The following ZNF829 variants were observed in gnomAD, a reference collection of about 807,000 sequenced individuals.
ZNF829 encodes zinc finger protein 829.
In ZNF829, 25 loss-of-function variants were observed where a neutral mutation model predicts 35.2. That is an observed-to-expected ratio of 0.71 (90% CI 0.52 to 0.99). The LOEUF (loss-of-function observed/expected upper bound fraction) is 0.99. Ranked by LOEUF, ZNF829 falls within the 50% of genes least tolerant of loss-of-function variation. The probability of loss-of-function intolerance (pLI) is 0.00; values close to 1 mark genes in which losing one functional copy is unlikely to be tolerated. For missense variants in ZNF829, 417 were observed against 515.3 expected, an observed-to-expected ratio of 0.81 and a Z score of 1.85; for synonymous variants, 136 against 163.2, an observed-to-expected ratio of 0.83 and a Z score of 1.27.
At chr19:36,903,783 C>T (rs1411853913) in intron 5 of ZNF829, among the ~76,000 whole-genome samples, 1 of 151,704 alleles carries the variant, frequency 6.6e-6, no homozygotes, top group Non-Finnish European at 1.5e-5. Context: ...CCCAGCTACT[C>T]GGGAGGCTGA....
chr19:36,900,847 GAA>G (rs59848712), intron 5 of ZNF829, among the ~76,000 whole-genome samples: 3 of 88,970 alleles, frequency 3.4e-5, no homozygotes, highest in Admixed American at 1.3e-4. Context: ...GACTGTCTCA[GAA>G]AAAAAAAAAA....
intron 3 of ZNF829, among the ~76,000 whole-genome samples, chr19:36,912,193 T>G (rs2073270185): frequency 6.6e-6 from 1 of 152,172 alleles, no homozygotes; most frequent in Non-Finnish European, 1.5e-5. Flanking sequence ...AATTCTCAGC[T>G]CAGAGAAGAG....
intron 5 of ZNF829, 119 bp from the exon 6 acceptor site, chr19:36,892,590 G>C: frequency 9.3e-7 from 1 of 1,071,280 alleles, no homozygotes; most frequent in Non-Finnish European, 1.3e-6. Context: ...GTTTTCAAAG[G>C]TGGAGAGGCA....
At chr19:36,898,443 A>G (rs551857628) in intron 5 of ZNF829, among the ~76,000 whole-genome samples, 1 of 152,232 alleles carries the variant, frequency 6.6e-6, no homozygotes, top group Admixed American at 6.5e-5. Flanking sequence ...TACAGATTCA[A>G]TGCAATCTAC....
At position 36,908,342 on chromosome 19, in the gene ZNF829, C is replaced by G. The variant is rs375085686; in HGVS notation, c.214G>C (p.Val72Leu). Residue 72 changes from valine to leucine, a missense_variant, in exon 4 of 6, where the codon GTT (valine) becomes CTT (leucine). By Grantham distance (32) the Val-to-Leu change is conservative. Coordinates refer to ENST00000391711, the MANE Select transcript of ZNF829 (RefSeq NM_001037232.4). The part of the protein sequence containing the change: ...EVMLENFSNL[V>L]SVGLSNSKPA... ...GAATAGTTATCCTTACCCACTGAAA[C>G]CAGGTTGCTGAAATTCTCCAACATC... The G allele has an allele frequency of 3.1e-6, 5 of 1,612,782 alleles. No homozygotes were observed. The highest frequency in any genetic ancestry group is 2.7e-5 in the African/African-American group (2 of 74,872).
rs1284571492 is a variant in ZNF829, at chr19:36,901,833, A to G, written c.319+6096T>C. The G allele has an allele frequency of 6.9e-6, 5 of 725,520 alleles. No homozygotes were observed. The Admixed American group carries it at 7.3e-5, about 11-fold the overall frequency. The allele number at this position is 725,520 out of a possible 1,614,324, so 44.9% of individuals were successfully genotyped here. Reference sequence around the variant, plus strand: ...TGAGAATACACCATCAGTATGCACAAGCGCATCCATGGAGTGGGCTTCAAG... The same window carrying G: ...TGAGAATACACCATCAGTATGCACAGGCGCATCCATGGAGTGGGCTTCAAG... On this transcript the variant is annotated intron_variant, in intron 5 of 5. Coordinates refer to ENST00000391711, the MANE Select transcript of ZNF829 (RefSeq NM_001037232.4).
intron 3 of ZNF829, among the ~76,000 whole-genome samples, chr19:36,913,199 C>A (rs1219676738): frequency 2.0e-5 from 3 of 152,052 alleles, no homozygotes; most frequent in Non-Finnish European, 4.4e-5. Flanking sequence ...GATAGAAAGG[C>A]CTTACACAAA....
chr19:36,914,481 C>A (rs2073290344), intron 3 of ZNF829, among the ~76,000 whole-genome samples: 1 of 151,880 alleles, frequency 6.6e-6, no homozygotes, highest in Non-Finnish European at 1.5e-5. Context: ...TCACGGAAAC[C>A]CAAATTCAAA....
intron 5 of ZNF829, chr19:36,892,824 C>A (rs771493994): frequency 1.2e-6 from 1 of 869,514 alleles, no homozygotes; most frequent in Non-Finnish European, 1.5e-6. Flanking sequence ...CCAGATCCCC[C>A]ACAGGCGCTG....
Position 36,888,381 on chromosome 19 carries a change from CTGA to C in ZNF829, c.*3108_*3110del, listed in dbSNP as rs780284203. ...TGCAAAAATCTTTAATCTCCTTGCC[CTGA>C]TGATATCTGTCTCTACAATATCCAG... On this transcript the variant is annotated 3_prime_UTR_variant, in exon 6 of 6. Coordinates refer to ENST00000391711, the MANE Select transcript of ZNF829 (RefSeq NM_001037232.4). The C allele has an allele frequency of 3.3e-5, 5 of 152,000 alleles. No homozygotes were observed. The highest frequency in any genetic ancestry group is 7.3e-5 in the African/African-American group (3 of 41,346). 9.4% of individuals were successfully genotyped at this position (152,000 alleles called of 1,614,324 possible).
At chr19:36,892,498 A>T in intron 5 of ZNF829, 27 bp from the exon 6 acceptor site, 1 of 1,532,824 alleles carries the variant, frequency 6.5e-7, no homozygotes, top group African/African-American at 1.4e-5. Flanking sequence ...AGGCAAATAA[A>T]TTTTCCTATT....
intron 5 of ZNF829, 148 bp downstream of exon 5, chr19:36,907,781 T>C (rs2073230747): frequency 5.0e-6 from 3 of 601,154 alleles, no homozygotes; most frequent in Non-Finnish European, 8.7e-6. Flanking sequence ...ACTTGCTATA[T>C]TGGACTAGGG....
chr19:36,908,551 G>A, intron 3 of ZNF829, 92 bp from the exon 4 acceptor site: 1 of 1,406,624 alleles, frequency 7.1e-7, no homozygotes, highest in South Asian at 1.5e-5. Context: ...CAAAATTAAA[G>A]GGGGTGAATC....
rs555691357 is a variant in ZNF829, at chr19:36,916,151, C to T, written c.-225G>A. 8 of 535,842 alleles carry T rather than the reference C, an allele frequency of 1.5e-5. No individual in the cohort carries two copies. Among genetic ancestry groups the T allele is most frequent in the South Asian group, 2.4e-5 (1 of 40,964 alleles). The allele number at this position is 535,842 out of a possible 1,614,324, so 33.2% of individuals were successfully genotyped here. On this transcript the variant is annotated 5_prime_UTR_variant, in exon 1 of 6. It adds an upstream start codon to the 5' untranslated region. Transcript: ENST00000391711. The surrounding 1 kb of genome is among the most constrained non-coding windows in gnomAD (Gnocchi z 5.3). ...CCTGTCAGCTCCTCGCCTGGGCCCA[C>T]CCGAAACGGCTGCTCCCTCAACTCT... is the stretch of plus-strand genomic sequence containing the variant.
At chr19:36,908,174 C>CT in intron 4 of ZNF829, 150 bp from the exon 5 acceptor site, 1 of 1,215,224 alleles carries the variant, frequency 8.2e-7, no homozygotes, top group Non-Finnish European at 1.2e-6. Context: ...CCCATTGGAG[C>CT]TGCCCACTTC....
intron 5 of ZNF829, 152 bp from the exon 6 acceptor site, chr19:36,892,623 G>A (rs1972750147): frequency 2.4e-6 from 2 of 830,952 alleles, no homozygotes; most frequent in Non-Finnish European, 3.6e-6. Flanking sequence ...GACAAGAAAA[G>A]CACAGACATT....
chr19:36,915,345 A>G, intron 1 of ZNF829, 94 bp from the exon 2 acceptor site: 1 of 1,450,092 alleles, frequency 6.9e-7, no homozygotes, highest in South Asian at 1.4e-5. Flanking sequence ...AGTCACACTT[A>G]AGGCGACATG....
intron 5 of ZNF829, among the ~76,000 whole-genome samples, chr19:36,896,155 C>T (rs1312869163): frequency 2.0e-5 from 3 of 151,734 alleles, no homozygotes; most frequent in Non-Finnish European, 4.4e-5. Context: ...ACTAAAAATA[C>T]AAAAAATTAG....
intron 5 of ZNF829, among the ~76,000 whole-genome samples, chr19:36,902,774 G>A (rs780115209): frequency 6.6e-6 from 1 of 152,170 alleles, no homozygotes; most frequent in Non-Finnish European, 1.5e-5. Flanking sequence ...AGTGGCTCAC[G>A]CCTATAATCC....
Sources: allele counts gnomAD v4.1 joint callset (sites outside exome capture counted in the v4.1 genomes callset), GRCh38; gene constraint gnomAD v4.1.1; non-coding constraint Gnocchi (gnomAD v3.1); transcripts MANE v1.5; gene names NCBI Gene and HGNC (gene_info 2026-07-23, HGNC 2026-07-21).